The following PCDH7 variants were observed in gnomAD, a reference collection of about 807,000 sequenced individuals.
The protein encoded by PCDH7 is protocadherin-7.
PCDH7 carries 17 observed loss-of-function variants against 58.9 expected under a neutral mutation model. That is an observed-to-expected ratio of 0.29 (90% CI 0.20 to 0.43). PCDH7 has a LOEUF of 0.43. Ranked by LOEUF, PCDH7 falls within the 20% of genes least tolerant of loss-of-function variation. PCDH7 has a pLI of 1.00. For missense variants in PCDH7, 1,274 were observed against 1,441.0 expected, an observed-to-expected ratio of 0.88 and a Z score of 1.88; for synonymous variants, 664 against 616.4, an observed-to-expected ratio of 1.08 and a Z score of -1.14.
At chr4:30,995,638 G>A (rs975471828) in intron 3 of PCDH7, among the ~76,000 whole-genome samples, 1 of 152,142 alleles carries the variant, frequency 6.6e-6, no homozygotes, top group Non-Finnish European at 1.5e-5. Context: ...GAGTTCGGAA[G>A]TCCAAAGTGT....
At chr4:31,142,214 A>T (rs1228651270) in intron 3 of PCDH7, among the ~76,000 whole-genome samples, 1 of 151,868 alleles carries the variant, frequency 6.6e-6, no homozygotes, top group Non-Finnish European at 1.5e-5. Flanking sequence ...AAACACACAT[A>T]TATCTGTTTC....
At chr4:30,826,903 T>G (rs1396249826) in intron 1 of PCDH7, among the ~76,000 whole-genome samples, 1 of 152,054 alleles carries the variant, frequency 6.6e-6, no homozygotes, top group Non-Finnish European at 1.5e-5. Flanking sequence ...TTTCTGTATT[T>G]TTTTTGTAGA....
rs575104890 is a variant in PCDH7, at chr4:31,070,378, T to C, written c.*8-72095T>C. On this transcript the variant is annotated intron_variant, in intron 3 of 3. Transcript: ENST00000509759. Reference sequence around the variant, plus strand: ...TTCAGACTTGGCTGGGTAATGTTTTTAGCATCACTGATCCAGCAAGATCCA... The same window carrying C: ...TTCAGACTTGGCTGGGTAATGTTTTCAGCATCACTGATCCAGCAAGATCCA... Among the ~76,000 whole-genome samples, 5 of 152,212 alleles carry C rather than the reference T, an allele frequency of 3.3e-5. No individual in the cohort carries two copies. In the East Asian group the frequency reaches 9.6e-4, roughly 29 times the overall value.
intron 3 of PCDH7, among the ~76,000 whole-genome samples, chr4:31,107,409 C>T (rs1373762725): frequency 6.6e-6 from 1 of 152,040 alleles, no homozygotes; most frequent in Non-Finnish European, 1.5e-5. Context: ...AGCAGAGAGA[C>T]CAAAGACATA....
chr4:31,088,383 A>G (rs1475081096), intron 3 of PCDH7, among the ~76,000 whole-genome samples: 4 of 152,058 alleles, frequency 2.6e-5, no homozygotes, highest in African/African-American at 4.8e-5. Flanking sequence ...AGAGCAGCAT[A>G]GTTATTTGGG....
At chr4:31,093,096 G>T (rs1047343335) in intron 3 of PCDH7, among the ~76,000 whole-genome samples, 2 of 152,056 alleles carry the variant, frequency 1.3e-5, no homozygotes, top group African/African-American at 4.8e-5. Flanking sequence ...GGGAATCTGT[G>T]GTCCAGTGAT....
rs374260978 is a variant in PCDH7 at position 30,854,328 on chromosome 4, A to G, written c.71-65825A>G. Among the ~76,000 whole-genome samples the G allele has an allele frequency of 1.1e-3, 163 of 148,526 alleles. 1 individual carries two copies. The highest frequency in any genetic ancestry group is 3.9e-3 in the African/African-American group (158 of 40,062). On this transcript the variant is annotated intron_variant, in intron 1 of 3. Transcript: ENST00000509759. ...TGCCAGTAGTAACTCACCTTCTTCC[A>G]TCATTGACAGCTATGAAAATCAAAA...
At chr4:30,935,314 A>G (rs1020057126) in intron 2 of PCDH7, 1 of 978,234 alleles carries the variant, frequency 1.0e-6, no homozygotes, top group South Asian at 4.7e-5. Context: ...ACCTCCAGAA[A>G]TGTTTACTGG....
chr4:30,721,312 T>C lies in PCDH7; in HGVS notation c.-111T>C. The C allele has an allele frequency of 8.9e-7, 1 of 1,127,298 alleles. No individual in the cohort carries two copies. The highest frequency in any genetic ancestry group is 1.2e-6 in the Non-Finnish European group (1 of 828,242). 69.8% of individuals were successfully genotyped at this position (1,127,298 alleles called of 1,614,324 possible). A position where few individuals can be genotyped will look rare whatever the true frequency, so the allele number is the denominator to read the frequency against. ...CCCTCCCCTCCCTCTCGCTCCTTCCTTTCCGGGAGAGGGGAGAGGACTCGG... is the reference window on the plus strand; with the variant it reads ...CCCTCCCCTCCCTCTCGCTCCTTCCCTTCCGGGAGAGGGGAGAGGACTCGG... On this transcript the variant is annotated 5_prime_UTR_variant, in exon 1 of 2. Transcript: ENST00000361762. This position sits in a 1 kb window ranked among gnomAD's most constrained non-coding sequence, Gnocchi z 6.7.
At chr4:31,071,145 C>T (rs1758511528) in intron 3 of PCDH7, among the ~76,000 whole-genome samples, 1 of 151,970 alleles carries the variant, frequency 6.6e-6, no homozygotes. Flanking sequence ...ATTCAAAGCT[C>T]ATTCACAGGT....
chr4:30,868,265 A>T (rs551785481), intron 1 of PCDH7, among the ~76,000 whole-genome samples: 1 of 152,198 alleles, frequency 6.6e-6, no homozygotes, highest in Admixed American at 6.5e-5. Flanking sequence ...TCCCTATTAT[A>T]GTGCTATTTT....
intron 2 of PCDH7, among the ~76,000 whole-genome samples, chr4:30,925,248 T>A (rs1743705286): frequency 6.6e-6 from 1 of 152,198 alleles, no homozygotes; most frequent in Non-Finnish European, 1.5e-5. Context: ...AATAAGCCAC[T>A]AATTTTAAAT....
chr4:31,114,339 TC>T (rs1438109355), intron 3 of PCDH7, among the ~76,000 whole-genome samples: 3 of 152,078 alleles, frequency 2.0e-5, no homozygotes, highest in Admixed American at 2.0e-4. Context: ...ATTTAAAATA[TC>T]CAGAATCCAT....
chr4:30,798,795 T>C (rs1340330469), intron 1 of PCDH7, among the ~76,000 whole-genome samples: 1 of 152,216 alleles, frequency 6.6e-6, no homozygotes, highest in East Asian at 1.9e-4. Context: ...ACCTCTATCC[T>C]CTGAACTAAC....
chr4:30,877,379 A>G (rs181569654), intron 1 of PCDH7, among the ~76,000 whole-genome samples: 1 of 152,266 alleles, frequency 6.6e-6, no homozygotes, highest in East Asian at 1.9e-4. Context: ...TAAAAAGGAA[A>G]TTACTCTGGC....
At chr4:30,729,075 C>T (rs1415528412) in intron 1 of PCDH7, among the ~76,000 whole-genome samples, 1 of 151,656 alleles carries the variant, frequency 6.6e-6, no homozygotes, top group Non-Finnish European at 1.5e-5. Flanking sequence ...GTCAAACAGT[C>T]CCCTCATTTT....
chr4:30,918,544 T>G (rs900289340), intron 1 of PCDH7, among the ~76,000 whole-genome samples: 1 of 152,138 alleles, frequency 6.6e-6, no homozygotes, highest in African/African-American at 2.4e-5. Flanking sequence ...GAAAGTTTAT[T>G]GTCAGTAAAT....
chr4:31,108,743 T>C (rs1240057945), intron 3 of PCDH7, among the ~76,000 whole-genome samples: 1 of 152,184 alleles, frequency 6.6e-6, no homozygotes, highest in African/African-American at 2.4e-5. Context: ...TCATTTTTTT[T>C]TTCACAACTA....
intron 1 of PCDH7, among the ~76,000 whole-genome samples, chr4:30,738,041 T>C (rs1318067869): frequency 2.0e-5 from 3 of 152,186 alleles, no homozygotes; most frequent in African/African-American, 7.2e-5. Context: ...TGACTCTTCC[T>C]CTGTGCCTGA....
Sources: allele counts gnomAD v4.1 joint callset (sites outside exome capture counted in the v4.1 genomes callset), GRCh38; gene constraint gnomAD v4.1.1; non-coding constraint Gnocchi (gnomAD v3.1); transcripts MANE v1.5; gene names NCBI Gene and HGNC (gene_info 2026-07-23, HGNC 2026-07-21).